Variants in FGF14 observed in about 807,000 individuals in gnomAD.
FGF14 encodes fibroblast growth factor homologous factor 4.
Under a neutral mutation model 25.5 loss-of-function variants are expected in FGF14, and 5 were observed. That is an observed-to-expected ratio of 0.20 (90% CI 0.10 to 0.41). The LOEUF is 0.41. Ranked by LOEUF, FGF14 falls within the 10% of genes least tolerant of loss-of-function variation. FGF14 has a pLI of 1.00. For synonymous variants in FGF14, 138 were observed against 118.3 expected (o/e 1.17, Z -1.08); for missense variants, 222 against 320.1 (o/e 0.69, Z 2.34).
chr13:102,039,471 G>A (rs2041629488), intron 1 of FGF14, among the ~76,000 whole-genome samples: 3 of 152,146 alleles, frequency 2.0e-5, no homozygotes, highest in Non-Finnish European at 4.4e-5. Flanking sequence ...TGGTCCTACA[G>A]CCTCTGAGGG....
chr13:102,024,626 G>A (rs906438053), intron 1 of FGF14, among the ~76,000 whole-genome samples: 3 of 151,884 alleles, frequency 2.0e-5, no homozygotes, highest in Non-Finnish European at 2.9e-5. Context: ...GAAGTTAAAT[G>A]TATCTATTTT....
chr13:102,327,289 G>C (rs748849240), intron 1 of FGF14, among the ~76,000 whole-genome samples: 1 of 152,140 alleles, frequency 6.6e-6, no homozygotes, highest in Non-Finnish European at 1.5e-5. Context: ...AGGATCCAAG[G>C]TGACTTGGCA....
At chr13:101,995,444 C>T (rs570586236) in intron 1 of FGF14, among the ~76,000 whole-genome samples, 7 of 152,086 alleles carry the variant, frequency 4.6e-5, no homozygotes, top group Non-Finnish European at 1.0e-4. Context: ...AGGAGTGTGG[C>T]GGTGAGTCAA....
intron 1 of FGF14, among the ~76,000 whole-genome samples, chr13:102,164,478 T>G (rs960505727): frequency 1.3e-5 from 2 of 152,164 alleles, no homozygotes; most frequent in African/African-American, 4.8e-5. Context: ...CAGAAATTTC[T>G]TCTGCCTGAA....
Position 101,827,689 on chromosome 13 carries a change from T to C in FGF14, c.408+41036A>G, listed in dbSNP as rs538183051. On this transcript the variant is annotated intron_variant, in intron 3 of 4. Coordinates refer to ENST00000376143, the MANE Select transcript of FGF14 (RefSeq NM_004115.4). ...ACCTAGGCTTTTTTTATAACCCAGA[T>C]TGTCTATGAGATTCAGACTATTCAT... Among the ~76,000 whole-genome samples the C allele has an allele frequency of 7.9e-5, 12 of 151,980 alleles. No homozygotes were observed. The East Asian group carries it at 1.4e-3, about 17-fold the overall frequency.
At chr13:101,875,356 T>G in intron 1 of FGF14, 60 bp from the exon 2 acceptor site, 7 of 1,170,410 alleles carry the variant, frequency 6.0e-6, no homozygotes, top group Non-Finnish European at 9.0e-6. Flanking sequence ...TTCCTTTATC[T>G]TTTCTGTTTC....
chr13:101,859,172 C>G (rs79936065), intron 3 of FGF14, among the ~76,000 whole-genome samples: 1 of 151,996 alleles, frequency 6.6e-6, no homozygotes, highest in South Asian at 2.1e-4. Flanking sequence ...TGAAGCCACT[C>G]GAGGAATAAA....
intron 1 of FGF14, among the ~76,000 whole-genome samples, chr13:102,364,325 A>G (rs1320103510): frequency 6.6e-6 from 1 of 152,152 alleles, no homozygotes; most frequent in Non-Finnish European, 1.5e-5. Context: ...CTTTCATTCC[A>G]ATTTGTTTTC....
chr13:101,897,146 T>G (rs985325381), intron 1 of FGF14, among the ~76,000 whole-genome samples: 1 of 152,182 alleles, frequency 6.6e-6, no homozygotes, highest in Non-Finnish European at 1.5e-5. Flanking sequence ...TCCATAGACA[T>G]GTGGAAAGAT....
In FGF14 at chr13:101,799,632, C is replaced by T. The variant is rs140616241; in HGVS notation, c.408+69093G>A. Among the ~76,000 whole-genome samples the T allele has an allele frequency of 2.4e-3, 369 of 152,194 alleles. 1 individual carries two copies. Among genetic ancestry groups the T allele is most frequent in the Middle Eastern group, 0.017 (5 of 294 alleles). The stretch of plus-strand genomic sequence containing the variant: ...TATGCACGTATTAGTCTGCAATAGT[C>T]ATTACTGTTTCTCACTGTCTGGATT... On this transcript the variant is annotated intron_variant, in intron 3 of 4. Coordinates refer to ENST00000376143, the MANE Select transcript of FGF14 (RefSeq NM_004115.4).
At chr13:101,906,129 G>A (rs2032211415) in intron 1 of FGF14, among the ~76,000 whole-genome samples, 1 of 152,120 alleles carries the variant, frequency 6.6e-6, no homozygotes, top group Non-Finnish European at 1.5e-5. Context: ...CCTGTATTCA[G>A]ATCAGATCCC....
At chr13:102,142,957 T>A (rs779310935) in intron 1 of FGF14, among the ~76,000 whole-genome samples, 5 of 152,212 alleles carry the variant, frequency 3.3e-5, no homozygotes, top group Non-Finnish European at 5.9e-5. Context: ...CTACACACCT[T>A]CTGCACCTTC....
chr13:101,850,896 G>A (rs1324069858), intron 3 of FGF14, among the ~76,000 whole-genome samples: 1 of 151,628 alleles, frequency 6.6e-6, no homozygotes, highest in Non-Finnish European at 1.5e-5. Flanking sequence ...CTTTCAACAT[G>A]TTTTTGAGTC....
intron 1 of FGF14, among the ~76,000 whole-genome samples, chr13:102,069,894 C>A (rs138759338): frequency 2.0e-5 from 3 of 152,134 alleles, no homozygotes; most frequent in Non-Finnish European, 2.9e-5. Flanking sequence ...GATCACCTGG[C>A]GGGTGGAACT....
In FGF14 at chr13:101,721,038, A is replaced by C. The variant is rs1043828363; in HGVS notation, c.*1793T>G. 1 of 152,178 alleles carries C rather than the reference A, an allele frequency of 6.6e-6. No individual in the cohort carries two copies. Among genetic ancestry groups the C allele is most frequent in the East Asian group, 1.9e-4 (1 of 5,188 alleles). The allele number at this position is 152,178 out of a possible 1,614,324, so 9.4% of individuals were successfully genotyped here. A position where few individuals can be genotyped will look rare whatever the true frequency, so the allele number is the denominator to read the frequency against. On this transcript the variant is annotated 3_prime_UTR_variant, in exon 5 of 5. Coordinates refer to ENST00000376143, the MANE Select transcript of FGF14 (RefSeq NM_004115.4). ...GACAAAATAATTTCCCAATAAATAC[A>C]GTGCAGATGGGGAAAATGATGACTG...
At chr13:101,988,723 G>A (rs2038731206) in intron 1 of FGF14, among the ~76,000 whole-genome samples, 1 of 125,314 alleles carries the variant, frequency 8.0e-6, no homozygotes, top group Non-Finnish European at 1.7e-5. Flanking sequence ...GGGGGGAGGG[G>A]GGAGGGATAG....
At chr13:101,812,638 TATATATA>T (rs1566931311) in intron 3 of FGF14, among the ~76,000 whole-genome samples, 5 of 13,820 alleles carry the variant, frequency 3.6e-4, no homozygotes, top group African/African-American at 4.5e-4. Context: ...TATATATATA[TATATATA>T]TATATATATT....
chr13:101,785,262 A>C (rs2039739609), intron 3 of FGF14, among the ~76,000 whole-genome samples: 1 of 151,636 alleles, frequency 6.6e-6, no homozygotes, highest in Admixed American at 6.6e-5. Context: ...TTTGTAAAGA[A>C]TATTTGCGGT....
intron 1 of FGF14, among the ~76,000 whole-genome samples, chr13:101,999,253 G>C (rs886181844): frequency 6.6e-6 from 1 of 152,172 alleles, no homozygotes. Context: ...GAAAGAAATT[G>C]ATTAAATTAT....
Sources: allele counts gnomAD v4.1 joint callset (sites outside exome capture counted in the v4.1 genomes callset), GRCh38; gene constraint gnomAD v4.1.1; transcripts MANE v1.5; gene names NCBI Gene and HGNC (gene_info 2026-07-23, HGNC 2026-07-21).